Variants in PIP4K2B observed in about 807,000 individuals in gnomAD.
The protein encoded by PIP4K2B is phosphatidylinositol-5-phosphate 4-kinase type 2 beta.
Under a neutral mutation model 42.0 loss-of-function variants are expected in PIP4K2B, and 3 were observed. The ratio of observed to expected loss-of-function variants is 0.07; its 90% confidence interval spans 0.03 to 0.18. The LOEUF is 0.18. PIP4K2B is among the 10% of genes least tolerant of loss of function. The pLI is 1.00. For missense variants in PIP4K2B, 332 were observed against 562.3 expected (o/e 0.59, Z 4.14); for synonymous variants, 204 against 210.1 (o/e 0.97, Z 0.25).
intron 7 of PIP4K2B, among the ~76,000 whole-genome samples, chr17:38,775,846 G>A (rs1909309175): frequency 6.6e-6 from 1 of 152,038 alleles, no homozygotes; most frequent in Non-Finnish European, 1.5e-5. Flanking sequence ...AACAGAGCGA[G>A]ACTCTGTCTC....
In PIP4K2B at chr17:38,771,177, C is replaced by G. The variant is rs1285454134; in HGVS notation, c.903G>C (p.Arg301=). 2 of 1,613,998 alleles carry G rather than the reference C, an allele frequency of 1.2e-6. No individual in the cohort carries two copies. The highest frequency in any genetic ancestry group is 2.7e-5 in the African/African-American group (2 of 74,880). ...AEQEEMEVEE[R]AEDEECENDG... The stretch of plus-strand genomic sequence containing the variant: ...CATTCTCACACTCCTCGTCCTCTGC[C>G]CGCTCCTCCACCTCCATCTCCTCCT... The change falls in exon 8 of 10, where the codon CGG becomes CGC. Residue 301 remains arginine, a synonymous_variant. Coordinates refer to ENST00000619039, the MANE Select transcript of PIP4K2B (RefSeq NM_003559.5).
Position 38,799,121 on chromosome 17 carries a change from C to T in PIP4K2B, c.159+145G>A, listed in dbSNP as rs190066576. The T allele has an allele frequency of 1.2e-6, 1 of 804,138 alleles. No individual in the cohort carries two copies. The highest frequency in any genetic ancestry group is 1.8e-6 in the Non-Finnish European group (1 of 557,890). 49.8% of individuals were successfully genotyped at this position (804,138 alleles called of 1,614,324 possible). A position where few individuals can be genotyped will look rare whatever the true frequency, so the allele number is the denominator to read the frequency against. The stretch of plus-strand genomic sequence containing the variant: ...GGGGAGTGCACACGGGGCCGAAAGG[C>T]GTGCAAGGGTGGGGTGGGCGTGCAA... On this transcript the variant is annotated intron_variant, in intron 1 of 9. Transcript: ENST00000619039. The surrounding 1 kb of genome is among the most constrained non-coding windows in gnomAD (Gnocchi z 4.4).
chr17:38,778,221 ACGGCATGTCTGG>A, intron 6 of PIP4K2B, 101 bp downstream of exon 6: 1 of 912,722 alleles, frequency 1.1e-6, no homozygotes, highest in Non-Finnish European at 1.8e-6. Context: ...ATGTTGACAG[ACGGCATGTCTGG>A]GAGCTGGGCT....
At chr17:38,790,650 G>C (rs1910297248) in intron 1 of PIP4K2B, among the ~76,000 whole-genome samples, 1 of 152,062 alleles carries the variant, frequency 6.6e-6, no homozygotes, top group African/African-American at 2.4e-5. Context: ...GTAAAGATGG[G>C]GTTTCACCAT....
chr17:38,787,841 A>G (rs1910120283), intron 1 of PIP4K2B, among the ~76,000 whole-genome samples: 1 of 152,062 alleles, frequency 6.6e-6, no homozygotes, highest in Non-Finnish European at 1.5e-5. Context: ...CAGGTGATCC[A>G]CCTGCCCTGG....
intron 2 of PIP4K2B, 104 bp downstream of exon 2, chr17:38,786,696 TCCAGGTGCTGCTGTCACACCCTG>T: frequency 4.2e-6 from 3 of 722,614 alleles, no homozygotes; most frequent in Admixed American, 2.0e-5. Context: ...CGCTCTGAGA[TCCAGGTGCTGCTGTCACACCCTG>T]CCAGGTGCTG....
At chr17:38,779,592 T>C in intron 4 of PIP4K2B, 63 bp from the exon 5 acceptor site, 2 of 1,495,786 alleles carry the variant, frequency 1.3e-6, no homozygotes, top group Non-Finnish European at 1.9e-6. Context: ...TGGATGGGGC[T>C]CACCCCAGAC....
intron 7 of PIP4K2B, chr17:38,775,980 CTTTT>C (rs562942370): frequency 7.5e-6 from 3 of 400,640 alleles, no homozygotes; most frequent in South Asian, 3.7e-5. Flanking sequence ...TGTTTGCTTC[CTTTT>C]TTTTTTTTTA....
intron 1 of PIP4K2B, among the ~76,000 whole-genome samples, chr17:38,798,167 C>A (rs1910751791): frequency 6.6e-6 from 1 of 152,216 alleles, no homozygotes; most frequent in African/African-American, 2.4e-5. Flanking sequence ...CAAGCACTCA[C>A]AAGTGAACCT....
chr17:38,771,540 T>C (rs1598042307), intron 7 of PIP4K2B, among the ~76,000 whole-genome samples: 2 of 96,098 alleles, frequency 2.1e-5, no homozygotes, highest in Middle Eastern at 9.3e-3. Context: ...CAGAGGGAGA[T>C]GGTCTCAAAA....
chr17:38,796,331 T>C (rs768355206), intron 1 of PIP4K2B, among the ~76,000 whole-genome samples: 1 of 152,162 alleles, frequency 6.6e-6, no homozygotes, highest in Non-Finnish European at 1.5e-5. Context: ...AATGGTTAAA[T>C]ACAGAGTCAC....
chr17:38,789,813 G>A (rs2143456974), intron 1 of PIP4K2B, among the ~76,000 whole-genome samples: 1 of 152,284 alleles, frequency 6.6e-6, no homozygotes, highest in South Asian at 2.1e-4. Flanking sequence ...TAAGTTGGCA[G>A]TGGAGCAGAC....
chr17:38,782,240 G>A (rs1399049386), intron 3 of PIP4K2B, among the ~76,000 whole-genome samples: 2 of 152,332 alleles, frequency 1.3e-5, no homozygotes, highest in Middle Eastern at 3.4e-3. Context: ...CTAGTTGGGA[G>A]GTAGAGGCAG....
chr17:38,787,055 A>G, intron 1 of PIP4K2B, 135 bp from the exon 2 acceptor site: 1 of 705,426 alleles, frequency 1.4e-6, no homozygotes, highest in Non-Finnish European at 2.5e-6. Flanking sequence ...TGTTTTTTTG[A>G]GACAGGGTCT....
In PIP4K2B at chr17:38,799,272, G is replaced by A. The variant is rs764275512; in HGVS notation, c.153C>T (p.Asn51=). Residue 51 remains asparagine (N), a synonymous_variant, in exon 1 of 10, where the codon AAC becomes AAT. Transcript: ENST00000619039. The surrounding 1 kb of genome is among the most constrained non-coding windows in gnomAD (Gnocchi z 4.4). The part of the protein sequence containing the change: ...PILSVLMWGV[N]HTINELSNVP... ...GCGCGCAGGAGCTGGTTACCGTGTG[G>A]TTCACCCCCCACATCAGGACGCTGA... The A allele has an allele frequency of 2.4e-5, 39 of 1,600,178 alleles. No homozygotes were observed. The highest frequency in any genetic ancestry group is 3.1e-5 in the Non-Finnish European group (36 of 1,174,850).
chr17:38,792,125 T>C (rs73295145), intron 1 of PIP4K2B, among the ~76,000 whole-genome samples: 3,915 of 151,234 alleles, frequency 0.026, 192 homozygotes, highest in African/African-American at 0.09. Flanking sequence ...GTTCACTCTA[T>C]GCTGATCTAC....
chr17:38,774,777 AT>A (rs1340572323), intron 7 of PIP4K2B, among the ~76,000 whole-genome samples: 2 of 152,164 alleles, frequency 1.3e-5, no homozygotes, highest in African/African-American at 2.4e-5. Context: ...CTCAAAAAAA[AT>A]AAATAAATAA....
At chr17:38,776,686 C>T in intron 7 of PIP4K2B, 2 of 403,002 alleles carry the variant, frequency 5.0e-6, no homozygotes, top group South Asian at 1.8e-5. Flanking sequence ...ATGTATTTTA[C>T]CACAATTAAA....
chr17:38,794,609 T>TAAAAAAAAA (rs34374571), intron 1 of PIP4K2B, among the ~76,000 whole-genome samples: 2 of 34,242 alleles, frequency 5.8e-5, no homozygotes, highest in Non-Finnish European at 9.9e-5. Context: ...CCCAATTCAT[T>TAAAAAAAAA]AAAAAAAAAA....
Sources: gnomAD v4.1 joint callset for allele counts (sites outside exome capture counted in the v4.1 genomes callset) on GRCh38, gnomAD v4.1.1 for gene constraint, Gnocchi (gnomAD v3.1) non-coding constraint, MANE v1.5 for transcripts, NCBI Gene and HGNC (gene_info 2026-07-23, HGNC 2026-07-21) for gene names.